ABCD4: variants seen among roughly 807,000 people sequenced by gnomAD.
The protein encoded by ABCD4 is ATP binding cassette subfamily D member 4, also known as lysosomal cobalamin transporter ABCD4.
Under a neutral mutation model 86.3 loss-of-function variants are expected in ABCD4, and 53 were observed. That is an observed-to-expected ratio of 0.61 (90% CI 0.49 to 0.77). The LOEUF (loss-of-function observed/expected upper bound fraction) is 0.77. Ranked by LOEUF, ABCD4 falls within the 30% of genes least tolerant of loss-of-function variation. The pLI is 0.00. For synonymous variants in ABCD4, 328 were observed against 313.6 expected (o/e 1.05, Z -0.49); for missense variants, 757 against 764.5 (o/e 0.99, Z 0.12).
In ABCD4 at chr14:74,296,599, G is replaced by C. The variant is rs562094478; in HGVS notation, c.426-150C>G. The C allele has an allele frequency of 1.3e-3, 891 of 664,166 alleles. 1 individual carries two copies. Among genetic ancestry groups the C allele is most frequent in the Non-Finnish European group, 2.1e-3 (802 of 389,914 alleles). The allele number at this position is 664,166 out of a possible 1,614,324, so 41.1% of individuals were successfully genotyped here. A position where few individuals can be genotyped will look rare whatever the true frequency, so the allele number is the denominator to read the frequency against. The stretch of plus-strand genomic sequence containing the variant: ...GGGAAGAGGGAACCAGACAAGGCTG[G>C]TTTCCTAGGGGCAACTAAATCCCAG... On this transcript the variant is annotated intron_variant, in intron 4 of 18. Transcript: ENST00000356924.
intron 7 of ABCD4, chr14:74,294,882 T>G: frequency 2.0e-6 from 1 of 508,444 alleles, no homozygotes; most frequent in Non-Finnish European, 3.5e-6. Flanking sequence ...GGATGAGGCA[T>G]TCATTCATTT....
chr14:74,293,447 T>G, intron 7 of ABCD4, 199 bp from the exon 8 acceptor site: 1 of 504,926 alleles, frequency 2.0e-6, no homozygotes, highest in Admixed American at 3.4e-5. Context: ...ACATAAACTC[T>G]AGAGTTGGGC....
At chr14:74,297,184 A>C (rs537748515) in intron 4 of ABCD4, 1 of 152,442 alleles carries the variant, frequency 6.6e-6, no homozygotes, top group East Asian at 1.9e-4. Flanking sequence ...CAGCTTCCTC[A>C]TCTGTAAAAT....
intron 1 of ABCD4, 78 bp from the exon 2 acceptor site, chr14:74,300,346 C>A: frequency 1.1e-6 from 1 of 951,900 alleles, no homozygotes. Flanking sequence ...AGCTCATCCA[C>A]ATTGTTCTGT....
At position 74,288,424 on chromosome 14, in the gene ABCD4, A is replaced by G. The variant is rs138205645; in HGVS notation, c.1507-165T>C. On this transcript the variant is annotated intron_variant, in intron 15 of 18. Coordinates refer to ENST00000356924, the MANE Select transcript of ABCD4 (RefSeq NM_005050.4). ...GACTGTGGGACAGTCTGCCCCAGGC[A>G]GAGAGGAATATTCTACCAATGACAC... The G allele has an allele frequency of 2.0e-4, 142 of 697,146 alleles. 2 individuals carry two copies. The East Asian group carries it at 3.6e-3, about 18-fold the overall frequency. 43.2% of individuals were successfully genotyped at this position (697,146 alleles called of 1,614,324 possible).
Position 74,285,328 on chromosome 14 carries a change from T to C in ABCD4, c.*1133A>G, listed in dbSNP as rs2079549412. The C allele has an allele frequency of 6.6e-6, 1 of 152,176 alleles. No homozygotes were observed. Among genetic ancestry groups the C allele is most frequent in the South Asian group, 2.1e-4 (1 of 4,822 alleles). The allele number at this position is 152,176 out of a possible 1,614,324, so 9.4% of individuals were successfully genotyped here. ...AAAATCTCAGTTGAGTGCCAGTCCG[T>C]CTAACTCCTCACCTCTCTTTTTTAC... On this transcript the variant is annotated 3_prime_UTR_variant, in exon 19 of 19. Coordinates refer to ENST00000356924, the MANE Select transcript of ABCD4 (RefSeq NM_005050.4).
rs751632271 is a variant in ABCD4, at chr14:74,290,043, C to T, written c.1403G>A (p.Gly468Glu). The T allele has an allele frequency of 6.2e-7, 1 of 1,614,120 alleles. No homozygotes were observed. The highest frequency in any genetic ancestry group is 8.5e-7 in the Non-Finnish European group (1 of 1,180,018). Residue 468 changes from glycine (G) to glutamate (E), a missense_variant, in exon 13 of 19, where the codon GGG (glycine) becomes GAG (glutamate). Physicochemically the swap from Gly to Glu is moderately conservative, Grantham distance 98. Coordinates refer to ENST00000356924, the MANE Select transcript of ABCD4 (RefSeq NM_005050.4). Reference protein sequence around the residue: ...FLPQKPFFTDGTLREQVIYPL... With the variant: ...FLPQKPFFTDETLREQVIYPL... ...TAGACTGACCTGCTCCCGAAGGGTC[C>T]CGTCAGTGAAGAATGGCTTTTGTGG...
intron 4 of ABCD4, 38 bp from the exon 5 acceptor site, chr14:74,296,487 A>G: frequency 6.3e-7 from 1 of 1,584,038 alleles, no homozygotes; most frequent in Non-Finnish European, 8.7e-7. Context: ...ACCCAGGGAG[A>G]TGGGCCCAAA....
intron 16 of ABCD4, 38 bp downstream of exon 16, chr14:74,288,169 G>C (rs368015750): frequency 6.2e-7 from 1 of 1,605,998 alleles, no homozygotes. Flanking sequence ...TGTCTTTATG[G>C]TGGGGCTATC....
chr14:74,295,059 C>T lies in ABCD4; in HGVS notation c.719+89G>A, dbSNP rs953542988. The T allele has an allele frequency of 3.1e-5, 47 of 1,505,844 alleles. No individual in the cohort carries two copies. In the African/African-American group the frequency reaches 3.3e-4, roughly 11 times the overall value. The allele number at this position is 1,505,844 out of a possible 1,614,324, so 93.3% of individuals were successfully genotyped here. ...TGTGACAACACTCAGCCCCTGAGCT[C>T]GGTGGTGGTGGGAGGGTTGAGGATT... is the stretch of plus-strand genomic sequence containing the variant. On this transcript the variant is annotated intron_variant, in intron 7 of 18. Transcript: ENST00000356924.
Position 74,286,345 on chromosome 14 carries a change from T to C in ABCD4, c.*116A>G, listed in dbSNP as rs747648965. The C allele has an allele frequency of 4.5e-5, 51 of 1,126,334 alleles. No individual in the cohort carries two copies. Among genetic ancestry groups the C allele is most frequent in the Non-Finnish European group, 6.6e-5 (50 of 755,398 alleles). 69.8% of individuals were successfully genotyped at this position (1,126,334 alleles called of 1,614,324 possible). On this transcript the variant is annotated 3_prime_UTR_variant, in exon 19 of 19. Transcript: ENST00000356924. Reference sequence around the variant, plus strand: ...GGGTCCTGCACAGGACCCATGTGGCTCCTGCACGGGATCTATGTGGCGAAC... The same window carrying C: ...GGGTCCTGCACAGGACCCATGTGGCCCCTGCACGGGATCTATGTGGCGAAC...
intron 14 of ABCD4, 47 bp from the exon 15 acceptor site, chr14:74,288,812 G>A (rs1255887265): frequency 4.4e-6 from 7 of 1,600,204 alleles, no homozygotes; most frequent in Non-Finnish European, 6.0e-6. Context: ...CCTCCTGGCT[G>A]GTCAAAATAG....
In ABCD4 at chr14:74,288,195, CTCTTT is replaced by C. The variant is rs1381694360; in HGVS notation, c.1559+7_1559+11del. ...TGGGGCTATCTCTGGAGCACCCAAG[CTCTTT>C]TCTTACCAGTTCCAGTCCACCTGCT... On this transcript the variant is annotated splice_region_variant and intron_variant, in intron 16 of 18. Coordinates refer to ENST00000356924, the MANE Select transcript of ABCD4 (RefSeq NM_005050.4). 16 of 1,612,066 alleles carry C rather than the reference CTCTTT, an allele frequency of 9.9e-6. No homozygotes were observed. The highest frequency in any genetic ancestry group is 1.3e-5 in the African/African-American group (1 of 74,900).
intron 11 of ABCD4, 151 bp from the exon 12 acceptor site, chr14:74,290,650 G>A: frequency 1.7e-6 from 1 of 596,122 alleles, no homozygotes; most frequent in Non-Finnish European, 3.0e-6. Context: ...GCCCCCTAGT[G>A]ACTCAGAATG....
At chr14:74,289,610 C>T (rs528500015) in intron 13 of ABCD4, 91 bp from the exon 14 acceptor site, 9 of 1,544,632 alleles carry the variant, frequency 5.8e-6, no homozygotes, top group South Asian at 4.8e-5. Context: ...CCCACTGGAA[C>T]CTCCCAAGGA....
chr14:74,291,378 T>C (rs749483129), intron 11 of ABCD4, among the ~76,000 whole-genome samples: 37 of 152,276 alleles, frequency 2.4e-4, no homozygotes, highest in South Asian at 1.2e-3. Context: ...TCATCACAGA[T>C]GAGGACACTA....
chr14:74,296,404 G>A lies in ABCD4; in HGVS notation c.471C>T (p.Leu157=). The part of the protein sequence containing the change: ...SQDVERFCRQ[L]SSMASKLIIS... ...TGATGAGCTTGCTGGCCATGCTGCT[G>A]AGCTGCCGGCAGAATCGCTCCACGT... Residue 157 remains leucine, a synonymous_variant, in exon 5 of 19, where the codon CTC becomes CTT. Coordinates refer to ENST00000356924, the MANE Select transcript of ABCD4 (RefSeq NM_005050.4). 1 of 1,614,164 alleles carries A rather than the reference G, an allele frequency of 6.2e-7. No individual in the cohort carries two copies. The highest frequency in any genetic ancestry group is 8.5e-7 in the Non-Finnish European group (1 of 1,180,042).
rs567088326 is a variant in ABCD4 at position 74,285,625 on chromosome 14, G to C, written c.*836C>G. The C allele has an allele frequency of 1.3e-5, 2 of 152,342 alleles. No homozygotes were observed. Among genetic ancestry groups the C allele is most frequent in the Admixed American group, 6.5e-5 (1 of 15,298 alleles). 9.4% of individuals were successfully genotyped at this position (152,342 alleles called of 1,614,324 possible). On this transcript the variant is annotated 3_prime_UTR_variant, in exon 19 of 19. Coordinates refer to ENST00000356924, the MANE Select transcript of ABCD4 (RefSeq NM_005050.4). ...GAACTGGAGGGGCACTGGTCTGAGT[G>C]AGGACTTTGGGCACAGTAACTCCAC...
chr14:74,289,844 T>G, intron 13 of ABCD4, 183 bp downstream of exon 13: 1 of 1,448,826 alleles, frequency 6.9e-7, no homozygotes. Flanking sequence ...CTATGAGTAG[T>G]GGGCCCAATC....
Sources: gnomAD v4.1 joint callset for allele counts (sites outside exome capture counted in the v4.1 genomes callset) on GRCh38, gnomAD v4.1.1 for gene constraint, MANE v1.5 for transcripts, NCBI Gene and HGNC (gene_info 2026-07-23, HGNC 2026-07-21) for gene names.